Variants in TBXAS1 observed in about 807,000 individuals in gnomAD.
TBXAS1 encodes thromboxane-A synthase.
A neutral mutation model predicts 60.7 loss-of-function variants in TBXAS1; 48 were observed. That is an observed-to-expected ratio of 0.79 (90% CI 0.63 to 1.01). The LOEUF is 1.01. Among genes scored for constraint, TBXAS1 ranks in the 50% least tolerant of loss-of-function variants. TBXAS1 has a pLI of 0.00. For synonymous variants in TBXAS1, 287 were observed against 269.7 expected (o/e 1.06, Z -0.63); for missense variants, 685 against 686.3 (o/e 1.00, Z 0.02).
intron 5 of TBXAS1, among the ~76,000 whole-genome samples, chr7:139,944,696 A>G (rs1460412178): frequency 6.6e-6 from 1 of 152,166 alleles, no homozygotes; most frequent in African/African-American, 2.4e-5. Flanking sequence ...AGCGGTGTCC[A>G]CTGTGGCTCT....
At chr7:139,858,346 G>A (rs1800726444) in intron 1 of TBXAS1, among the ~76,000 whole-genome samples, 1 of 152,118 alleles carries the variant, frequency 6.6e-6, no homozygotes, top group Admixed American at 6.5e-5. Flanking sequence ...TTTTTTTCCA[G>A]ATTAACTTTG....
chr7:140,003,830 T>C (rs988394787), intron 9 of TBXAS1, among the ~76,000 whole-genome samples: 1 of 152,212 alleles, frequency 6.6e-6, no homozygotes, highest in East Asian at 1.9e-4. Context: ...TTGCAGACAA[T>C]GGAATTCAGA....
rs551816107 is a variant in TBXAS1, at chr7:139,953,465, G to A, written c.539+9G>A. 53 of 1,613,600 alleles carry A rather than the reference G, an allele frequency of 3.3e-5. No homozygotes were observed. The highest frequency in any genetic ancestry group is 3.3e-4 in the Middle Eastern group (2 of 6,062). ...GCATTTGACATCCAGAGGTAAGGCTGCTGCATTACAGATGAGAAATCGAGT... is the reference window on the plus strand; with the variant it reads ...GCATTTGACATCCAGAGGTAAGGCTACTGCATTACAGATGAGAAATCGAGT... On this transcript the variant is annotated intron_variant, in intron 6 of 12. Coordinates refer to ENST00000448866, the MANE Select transcript of TBXAS1 (RefSeq NM_001061.7).
At chr7:139,947,897 C>A (rs960054658) in intron 5 of TBXAS1, among the ~76,000 whole-genome samples, 1 of 150,508 alleles carries the variant, frequency 6.6e-6, no homozygotes, top group Non-Finnish European at 1.5e-5. Flanking sequence ...TGGAGTCTTG[C>A]TCTGTCACCC....
rs140832808 is a variant in TBXAS1, at chr7:139,816,290, G to A, written c.-79-13022G>A. The stretch of plus-strand genomic sequence containing the variant: ...GTATCTCTAGAGCCGTGTGAAAATC[G>A]GCTAATACAGATGGGAAGTCAGGGT... On this transcript the variant is annotated intron_variant, in intron 4 of 16. Transcript: ENST00000336425. Among the ~76,000 whole-genome samples, 43 of 152,220 alleles carry A rather than the reference G, an allele frequency of 2.8e-4. No homozygotes were observed. In the East Asian group the frequency reaches 6.8e-3, roughly 24 times the overall value.
chr7:139,820,615 A>G (rs1181774515), intron 4 of TBXAS1, among the ~76,000 whole-genome samples: 2 of 152,162 alleles, frequency 1.3e-5, no homozygotes, highest in Non-Finnish European at 2.9e-5. Context: ...ACCCCACTTC[A>G]TAAAGCCCTT....
chr7:139,913,613 T>C (rs540299887), intron 4 of TBXAS1: 1 of 157,296 alleles, frequency 6.4e-6, no homozygotes, highest in African/African-American at 2.4e-5. Context: ...GAGGACACAA[T>C]AATATTGCCC....
intron 4 of TBXAS1, among the ~76,000 whole-genome samples, chr7:139,822,198 C>G (rs1235464509): frequency 6.6e-6 from 1 of 152,156 alleles, no homozygotes; most frequent in Non-Finnish European, 1.5e-5. Flanking sequence ...AAAGCTGCAT[C>G]CTTAAGCAGT....
At chr7:139,840,076 TTGG>T (rs1411151882) in intron 1 of TBXAS1, among the ~76,000 whole-genome samples, 1 of 152,104 alleles carries the variant, frequency 6.6e-6, no homozygotes, top group Non-Finnish European at 1.5e-5. Context: ...TGAAATGTGA[TTGG>T]TGATTATTAA....
intron 4 of TBXAS1, among the ~76,000 whole-genome samples, chr7:139,813,321 A>G (rs1274506890): frequency 6.6e-6 from 1 of 152,078 alleles, no homozygotes; most frequent in Non-Finnish European, 1.5e-5. Context: ...ACCTCCACTG[A>G]CTACTGCAGA....
At chr7:139,910,690 T>G (rs1052884670) in intron 3 of TBXAS1, among the ~76,000 whole-genome samples, 38 of 152,188 alleles carry the variant, frequency 2.5e-4, no homozygotes, top group African/African-American at 9.2e-4. Context: ...TATATATAGG[T>G]GTGGCGACCA....
chr7:140,002,464 G>A (rs992828482), intron 9 of TBXAS1, among the ~76,000 whole-genome samples: 1 of 152,240 alleles, frequency 6.6e-6, no homozygotes, highest in African/African-American at 2.4e-5. Flanking sequence ...GCATGCGCTT[G>A]TTGCCCTCTG....
intron 4 of TBXAS1, among the ~76,000 whole-genome samples, chr7:139,931,190 T>G (rs1266296477): frequency 6.6e-6 from 1 of 152,158 alleles, no homozygotes; most frequent in African/African-American, 2.4e-5. Flanking sequence ...TTTCCTAATC[T>G]TGTCTATCTC....
intron 9 of TBXAS1, among the ~76,000 whole-genome samples, chr7:139,997,276 C>G (rs1013944038): frequency 1.3e-5 from 2 of 152,136 alleles, no homozygotes; most frequent in Admixed American, 6.6e-5. Context: ...TAAATGTGGT[C>G]CACTCACTTC....
intron 3 of TBXAS1, among the ~76,000 whole-genome samples, chr7:139,899,368 G>A (rs975745649): frequency 8.5e-5 from 13 of 152,114 alleles, no homozygotes; most frequent in African/African-American, 3.1e-4. Flanking sequence ...AGGCCTTCTG[G>A]AACAAGGCCA....
intron 3 of TBXAS1, among the ~76,000 whole-genome samples, chr7:139,898,954 C>T (rs764795394): frequency 3.8e-4 from 58 of 151,558 alleles, no homozygotes; most frequent in Non-Finnish European, 5.2e-4. Context: ...GCACTGCCAG[C>T]CGCCACTCTG....
Position 139,905,073 on chromosome 7 carries a change from C to CTTTCTTTCTCTTTCTCCCTCTCTT in TBXAS1, c.237-6151_237-6150insTTCTTTCTCTTTCTCCCTCTCTTT, listed in dbSNP as rs138216237. Among the ~76,000 whole-genome samples the CTTTCTTTCTCTTTCTCCCTCTCTT allele has an allele frequency of 5.9e-4, 61 of 102,620 alleles. 1 individual carries two copies. Among genetic ancestry groups the CTTTCTTTCTCTTTCTCCCTCTCTT allele is most frequent in the African/African-American group, 2.9e-3 (60 of 20,882 alleles). 67.3% of individuals were successfully genotyped at this position (102,620 alleles called of 152,430 possible). Reference sequence around the variant, plus strand: ...TTTCTTTCTTTCTCTCTCTCTCTCTCTCTTTCTCTTTCTCCCTCTCTCTCT... The same window carrying CTTTCTTTCTCTTTCTCCCTCTCTT: ...TTTCTTTCTTTCTCTCTCTCTCTCTCTTTCTTTCTCTTTCTCCCTCTCTTTCTTTCTCTTTCTCCCTCTCTCTCT... On this transcript the variant is annotated intron_variant, in intron 3 of 12. Coordinates refer to ENST00000448866, the MANE Select transcript of TBXAS1 (RefSeq NM_001061.7).
At position 139,973,152 on chromosome 7, in the gene TBXAS1, C is replaced by T. The variant is rs543679934; in HGVS notation, c.1134+10919C>T. ...AGGAGGGAGCCTCAGCCCTCGGCCT[C>T]CGAGGAGACCTCTGGGGACATCTAG... On this transcript the variant is annotated intron_variant, in intron 9 of 12. Coordinates refer to ENST00000448866, the MANE Select transcript of TBXAS1 (RefSeq NM_001061.7). 3.3e-5 allele frequency among the ~76,000 whole-genome samples: 5 copies of T among 152,280 alleles called. No homozygotes were observed. In the East Asian group the frequency reaches 9.6e-4, roughly 29 times the overall value.
rs760362571 is a variant in TBXAS1, at chr7:139,893,039, T to C, written c.236+17402T>C. ...AAGTATTATGATCAGTGCTTTATTA[T>C]TTTTTCCCTGCCTCTGATTTCTCTC... On this transcript the variant is annotated intron_variant, in intron 3 of 12. Transcript: ENST00000448866. 2.6e-5 allele frequency among the ~76,000 whole-genome samples: 4 copies of C among 152,190 alleles called. No individual in the cohort carries two copies. The South Asian group carries it at 6.2e-4, about 24-fold the overall frequency.
Sources: allele counts gnomAD v4.1 joint callset (sites outside exome capture counted in the v4.1 genomes callset), GRCh38; gene constraint gnomAD v4.1.1; transcripts MANE v1.5; gene names NCBI Gene and HGNC (gene_info 2026-07-23, HGNC 2026-07-21).